The following FHIT variants were observed in gnomAD, a reference collection of about 807,000 sequenced individuals.
FHIT encodes the protein bis(5'-adenosyl)-triphosphatase.
In FHIT, 19 loss-of-function variants were observed where a neutral mutation model predicts 17.9. That is an observed-to-expected ratio of 1.06 (90% confidence interval 0.74 to 1.56). FHIT has a LOEUF of 1.56. FHIT is among the 40% of genes most tolerant of loss of function. The probability of loss-of-function intolerance (pLI) is 0.00; values close to 1 mark genes in which losing one functional copy is unlikely to be tolerated. For synonymous variants in FHIT, 81 were observed against 69.7 expected (o/e 1.16, Z -0.81); for missense variants, 248 against 189.2 (o/e 1.31, Z -1.82).
chr3:60,421,850 T>C (rs957541303), intron 5 of FHIT, among the ~76,000 whole-genome samples: 1 of 152,158 alleles, frequency 6.6e-6, no homozygotes, highest in Non-Finnish European at 1.5e-5. Context: ...GTGGTATGTA[T>C]GTGATGAGTA....
intron 3 of FHIT, among the ~76,000 whole-genome samples, chr3:60,966,940 A>G (rs1037965184): frequency 8.3e-4 from 126 of 152,328 alleles, no homozygotes; most frequent in African/African-American, 2.8e-3. Flanking sequence ...AGAGAGAATT[A>G]TCTCAGTAGA....
intron 5 of FHIT, among the ~76,000 whole-genome samples, chr3:60,257,406 C>A (rs948346577): frequency 2.0e-5 from 3 of 152,168 alleles, no homozygotes; most frequent in African/African-American, 4.8e-5. Context: ...CCATTCACAT[C>A]CTGCATGGAC....
At chr3:60,122,750 C>T (rs1705318543) in intron 5 of FHIT, among the ~76,000 whole-genome samples, 1 of 152,156 alleles carries the variant, frequency 6.6e-6, no homozygotes, top group Admixed American at 6.5e-5. Context: ...AAGATAGAGG[C>T]AGCTTGTTAC....
chr3:61,194,464 T>C lies in FHIT; in HGVS notation c.-164+6153A>G, dbSNP rs535489947. On this transcript the variant is annotated intron_variant, in intron 2 of 9. Transcript: ENST00000492590. ...TTAATATTTTCCTTCCTGCAAATCC[T>C]GCTACCTTAAAAAAAAGGAAAACTA... 5.9e-5 allele frequency among the ~76,000 whole-genome samples: 9 copies of C among 152,106 alleles called. No homozygotes were observed. The East Asian group carries it at 1.7e-3, about 29-fold the overall frequency.
chr3:60,057,327 C>A (rs372909530), intron 5 of FHIT, among the ~76,000 whole-genome samples: 2 of 152,100 alleles, frequency 1.3e-5, no homozygotes, highest in African/African-American at 4.8e-5. Context: ...GGAATGTGAA[C>A]CCTGCCTGGT....
chr3:60,418,380 A>G (rs28735681), intron 5 of FHIT, among the ~76,000 whole-genome samples: 1,913 of 5,106 alleles, frequency 0.37, 68 homozygotes, highest in Middle Eastern at 0.45. Flanking sequence ...ATGTGTGTAT[A>G]TATATATATA....
At position 60,418,376 on chromosome 3, in the gene FHIT, G is replaced by GTA. The variant is rs869203310; in HGVS notation, c.103+118482_103+118483dup. Among the ~76,000 whole-genome samples the GTA allele has an allele frequency of 6.1e-3, 91 of 14,892 alleles. 1 individual carries two copies. The highest frequency in any genetic ancestry group is 0.017 in the African/African-American group (80 of 4,778). The allele number at this position is 14,892 out of a possible 152,430, so 9.8% of individuals were successfully genotyped here. ...CCTATATATATGTATCTGAATGTGT[G>GTA]TATATATATATATATATATATATAT... On this transcript the variant is annotated intron_variant, in intron 5 of 9. Coordinates refer to ENST00000492590, the MANE Select transcript of FHIT (RefSeq NM_002012.4).
At chr3:59,999,383 T>C (rs1699640717) in intron 7 of FHIT, among the ~76,000 whole-genome samples, 1 of 152,140 alleles carries the variant, frequency 6.6e-6, no homozygotes. Flanking sequence ...AGGGAACCTA[T>C]TGGAAGTTAA....
chr3:60,505,670 GCT>G (rs1398089907), intron 5 of FHIT, among the ~76,000 whole-genome samples: 5 of 152,096 alleles, frequency 3.3e-5, no homozygotes, highest in African/African-American at 1.2e-4. Context: ...TATTATTTGG[GCT>G]CTGTTTTTGA....
intron 5 of FHIT, among the ~76,000 whole-genome samples, chr3:60,176,090 C>T (rs930967138): frequency 7.9e-5 from 12 of 152,146 alleles, no homozygotes; most frequent in East Asian, 1.9e-4. Context: ...TGGTGGCTCA[C>T]GCCTGTAATG....
intron 5 of FHIT, among the ~76,000 whole-genome samples, chr3:60,052,191 A>T (rs558506221): frequency 3.3e-5 from 5 of 152,264 alleles, no homozygotes; most frequent in African/African-American, 1.2e-4. Flanking sequence ...GTCACAGTCT[A>T]TAATCCCATA....
chr3:60,354,239 T>C (rs142003470), intron 5 of FHIT, among the ~76,000 whole-genome samples: 3 of 152,290 alleles, frequency 2.0e-5, no homozygotes, highest in African/African-American at 4.8e-5. Flanking sequence ...TAAAAAAGTA[T>C]GCACATTAAT....
In FHIT at chr3:61,175,204, A is replaced by C. The variant is rs558773399; in HGVS notation, c.-164+25413T>G. ...ATTTAAAAAACAATAACAAAAAACA[A>C]CAAAAATAAGCAACCAAAAATAATT... On this transcript the variant is annotated intron_variant, in intron 2 of 9. Transcript: ENST00000492590. Among the ~76,000 whole-genome samples the C allele has an allele frequency of 6.6e-4, 100 of 151,880 alleles. 3 individuals are homozygous for C. In the South Asian group the frequency reaches 0.02, roughly 31 times the overall value.
chr3:60,585,500 A>G (rs1553661400), intron 4 of FHIT, among the ~76,000 whole-genome samples: 1 of 152,026 alleles, frequency 6.6e-6, no homozygotes, highest in Non-Finnish European at 1.5e-5. Flanking sequence ...AGCTTGTTAC[A>G]CATTCTGCAA....
chr3:60,960,883 C>A (rs1294857053), intron 3 of FHIT, among the ~76,000 whole-genome samples: 1 of 152,192 alleles, frequency 6.6e-6, no homozygotes, highest in African/African-American at 2.4e-5. Flanking sequence ...AATAGTGCCA[C>A]AATAAACACA....
intron 4 of FHIT, chr3:60,618,042 TA>T (rs34225061): frequency 1.6e-3 from 258 of 158,240 alleles, no homozygotes; most frequent in Middle Eastern, 6.1e-3. Context: ...ACTCTGGAGT[TA>T]AAAAAAAAAG....
intron 5 of FHIT, among the ~76,000 whole-genome samples, chr3:60,325,833 T>C (rs1293354541): frequency 6.6e-6 from 1 of 152,222 alleles, no homozygotes; most frequent in Non-Finnish European, 1.5e-5. Context: ...TATAGGATAA[T>C]CATGTTATGT....
At chr3:60,221,574 C>T (rs1263493267) in intron 5 of FHIT, among the ~76,000 whole-genome samples, 3 of 152,186 alleles carry the variant, frequency 2.0e-5, no homozygotes, top group African/African-American at 7.2e-5. Flanking sequence ...TCATTTCCCA[C>T]AAGGCTCCTT....
At position 60,481,855 on chromosome 3, in the gene FHIT, G is replaced by C. The variant is rs565663485; in HGVS notation, c.103+55005C>G. 6.6e-5 allele frequency among the ~76,000 whole-genome samples: 10 copies of C among 152,236 alleles called. No individual in the cohort carries two copies. The East Asian group carries it at 1.9e-3, about 29-fold the overall frequency. On this transcript the variant is annotated intron_variant, in intron 5 of 9. Transcript: ENST00000492590. ...AACCTTAAATGTAAATGGGTTAAATGCGCCAATTAAAAGACACAGACTGGC... is the reference window on the plus strand; with the variant it reads ...AACCTTAAATGTAAATGGGTTAAATCCGCCAATTAAAAGACACAGACTGGC...
Sources: allele counts gnomAD v4.1 joint callset (sites outside exome capture counted in the v4.1 genomes callset), GRCh38; gene constraint gnomAD v4.1.1; transcripts MANE v1.5; gene names NCBI Gene and HGNC (gene_info 2026-07-23, HGNC 2026-07-21).